MKLN1: variants seen among roughly 807,000 people sequenced by gnomAD.
MKLN1 encodes the protein muskelin.
A neutral mutation model predicts 99.0 loss-of-function variants in MKLN1; 18 were observed. That is an observed-to-expected ratio of 0.18 (90% CI 0.13 to 0.27). The LOEUF (loss-of-function observed/expected upper bound fraction) is 0.27. Ranked by LOEUF, MKLN1 falls within the 10% of genes least tolerant of loss-of-function variation. MKLN1 has a pLI of 1.00. For missense variants in MKLN1, 621 were observed against 875.9 expected, an observed-to-expected ratio of 0.71 and a Z score of 3.67; for synonymous variants, 288 against 293.2, an observed-to-expected ratio of 0.98 and a Z score of 0.18.
At chr7:131,173,955 T>C (rs1796253225) in intron 2 of MKLN1, among the ~76,000 whole-genome samples, 1 of 151,144 alleles carries the variant, frequency 6.6e-6, no homozygotes, top group African/African-American at 2.4e-5. Context: ...CTCCAGAGTT[T>C]AAAGACCTTT....
intron 3 of MKLN1, among the ~76,000 whole-genome samples, chr7:131,284,466 G>A (rs796875153): frequency 2.0e-5 from 3 of 152,192 alleles, no homozygotes; most frequent in East Asian, 1.9e-4. Context: ...GGATTGTCAC[G>A]CTGAGGTTAC....
intron 3 of MKLN1, among the ~76,000 whole-genome samples, chr7:131,250,370 A>G (rs998465025): frequency 2.0e-5 from 3 of 152,174 alleles, no homozygotes; most frequent in African/African-American, 4.8e-5. Flanking sequence ...GGTGTCCCCT[A>G]AAGGAGGCTT....
At chr7:131,123,022 CA>C (rs59581806) in intron 1 of MKLN1, among the ~76,000 whole-genome samples, 16 of 60,396 alleles carry the variant, frequency 2.6e-4, no homozygotes, top group African/African-American at 8.4e-4. Context: ...GACTCCGTCT[CA>C]AAAAAAAAAA....
intron 1 of MKLN1, among the ~76,000 whole-genome samples, chr7:131,352,374 GT>G (rs1356287113): frequency 6.6e-6 from 1 of 152,230 alleles, no homozygotes; most frequent in East Asian, 1.9e-4. Flanking sequence ...GATACTTAAT[GT>G]TACCAGATTG....
chr7:131,178,591 A>G (rs1796335586), intron 2 of MKLN1, among the ~76,000 whole-genome samples: 1 of 152,182 alleles, frequency 6.6e-6, no homozygotes, highest in Non-Finnish European at 1.5e-5. Context: ...AGTCTGTTCA[A>G]TCGTTCCAGA....
chr7:131,236,304 A>G (rs558261196), intron 3 of MKLN1, among the ~76,000 whole-genome samples: 1 of 152,348 alleles, frequency 6.6e-6, no homozygotes, highest in East Asian at 1.9e-4. Context: ...GACAACACAC[A>G]AAACAAAGCT....
intron 4 of MKLN1, among the ~76,000 whole-genome samples, chr7:131,394,866 G>A (rs1419533022): frequency 6.6e-6 from 1 of 151,944 alleles, no homozygotes; most frequent in Non-Finnish European, 1.5e-5. Flanking sequence ...GTCTATCTTG[G>A]ACTTTTTACC....
intron 3 of MKLN1, among the ~76,000 whole-genome samples, chr7:131,205,919 A>C (rs1221151231): frequency 7.0e-6 from 1 of 143,312 alleles, no homozygotes; most frequent in African/African-American, 2.6e-5. Context: ...TCTGAAACAG[A>C]GTCTTGCTCT....
intron 6 of MKLN1, among the ~76,000 whole-genome samples, chr7:131,410,705 A>G (rs148814036): frequency 6.6e-6 from 1 of 152,326 alleles, no homozygotes; most frequent in African/African-American, 2.4e-5. Context: ...TAAGAATTTC[A>G]TAGTTGAAAT....
intron 2 of MKLN1, among the ~76,000 whole-genome samples, chr7:131,149,586 T>G (rs1795860722): frequency 6.6e-6 from 1 of 152,236 alleles, no homozygotes; most frequent in Admixed American, 6.5e-5. Context: ...GGAAAATTAT[T>G]TTCTCACACA....
chr7:131,383,222 C>T (rs904008389), intron 2 of MKLN1, among the ~76,000 whole-genome samples: 1 of 152,152 alleles, frequency 6.6e-6, no homozygotes, highest in Non-Finnish European at 1.5e-5. Flanking sequence ...CACCTCCTTC[C>T]AGCAGAAGGT....
At chr7:131,203,439 A>T (rs753364375) in intron 3 of MKLN1, among the ~76,000 whole-genome samples, 11 of 152,108 alleles carry the variant, frequency 7.2e-5, no homozygotes, top group South Asian at 4.1e-4. Flanking sequence ...CCTGTGGGCA[A>T]TTGGGGAAAA....
At chr7:131,130,013 C>T (rs1208133484) in intron 1 of MKLN1, among the ~76,000 whole-genome samples, 2 of 152,164 alleles carry the variant, frequency 1.3e-5, no homozygotes, top group Admixed American at 6.5e-5. Flanking sequence ...GTTAAGTTCA[C>T]TTCGATAGAC....
intron 12 of MKLN1, among the ~76,000 whole-genome samples, chr7:131,459,588 C>G (rs1796454077): frequency 6.6e-6 from 1 of 152,154 alleles, no homozygotes; most frequent in Non-Finnish European, 1.5e-5. Context: ...GAGCCCCTGA[C>G]AAGGTCTAAT....
chr7:131,444,718 GAGTAGTAGTAGTAGT>G (rs60571380), intron 11 of MKLN1, among the ~76,000 whole-genome samples: 3,730 of 128,696 alleles, frequency 0.029, 167 homozygotes, highest in African/African-American at 0.093. Flanking sequence ...CCTGGGTTTT[GAGTAGTAGTAGTAGT>G]AGTAGTAGTA....
chr7:131,473,083 T>A (rs527438260), intron 16 of MKLN1, among the ~76,000 whole-genome samples: 1 of 152,310 alleles, frequency 6.6e-6, no homozygotes, highest in South Asian at 2.1e-4. Context: ...ATATTTTGTT[T>A]TAAAATTTGT....
intron 12 of MKLN1, among the ~76,000 whole-genome samples, chr7:131,450,246 T>G (rs1796140973): frequency 6.6e-6 from 1 of 152,166 alleles, no homozygotes; most frequent in South Asian, 2.1e-4. Context: ...ACCATATGCC[T>G]TAACATTTAT....
chr7:131,221,502 CTTTT>C (rs71174930), intron 3 of MKLN1, among the ~76,000 whole-genome samples: 7 of 123,950 alleles, frequency 5.6e-5, no homozygotes, highest in Admixed American at 1.7e-4. Flanking sequence ...GATCATGCCA[CTTTT>C]TTTTTTTTTT....
chr7:131,250,248 A>T (rs1797557587), intron 3 of MKLN1, among the ~76,000 whole-genome samples: 1 of 151,976 alleles, frequency 6.6e-6, no homozygotes, highest in African/African-American at 2.4e-5. Context: ...GGCTTGCTGG[A>T]AGGAGATGAT....
Sources: gnomAD v4.1 joint callset for allele counts (sites outside exome capture counted in the v4.1 genomes callset) on GRCh38, gnomAD v4.1.1 for gene constraint, MANE v1.5 for transcripts, NCBI Gene and HGNC (gene_info 2026-07-23, HGNC 2026-07-21) for gene names.